MMP26: variants seen among roughly 807,000 people sequenced by gnomAD.
MMP26 encodes the protein matrix metallopeptidase 26, also known as matrix metalloproteinase-26.
Under a neutral mutation model 31.0 loss-of-function variants are expected in MMP26, and 33 were observed. The observed-to-expected ratio is 1.06, with a 90% confidence interval of 0.81 to 1.42. The LOEUF (loss-of-function observed/expected upper bound fraction) is 1.42. MMP26 is among the 40% of genes most tolerant of loss of function. The pLI, the probability that MMP26 is intolerant of heterozygous loss-of-function variation, is 0.00. For synonymous variants in MMP26, 122 were observed against 114.9 expected (o/e 1.06, Z -0.40); for missense variants, 347 against 316.1 (o/e 1.10, Z -0.74).
At chr11:4,930,600 T>A (rs1258583193) in intron 2 of MMP26, among the ~76,000 whole-genome samples, 1 of 152,092 alleles carries the variant, frequency 6.6e-6, no homozygotes, top group African/African-American at 2.4e-5. Flanking sequence ...CCTTACTATG[T>A]CTTTGCTCAA....
chr11:4,888,734 G>A (rs1317212154), intron 2 of MMP26, among the ~76,000 whole-genome samples: 3 of 152,082 alleles, frequency 2.0e-5, no homozygotes, highest in South Asian at 2.1e-4. Flanking sequence ...AGAATTCCTG[G>A]TTCTACTTAT....
At chr11:4,721,786 G>A (rs944394088) in intron 1 of MMP26, among the ~76,000 whole-genome samples, 1 of 152,190 alleles carries the variant, frequency 6.6e-6, no homozygotes, top group African/African-American at 2.4e-5. Context: ...CTTGTGAGCT[G>A]ACTTGGGGTT....
chr11:4,863,056 C>G lies in MMP26; in HGVS notation c.-145+95715C>G, dbSNP rs139554596. Among the ~76,000 whole-genome samples, 719 of 152,222 alleles carry G rather than the reference C, an allele frequency of 4.7e-3. 7 individuals carry two copies. The highest frequency in any genetic ancestry group is 0.015 in the African/African-American group (611 of 41,554). On this transcript the variant is annotated intron_variant, in intron 2 of 7. Transcript: ENST00000380390. ...GTGGAAATGACCAGCTGGTTCATCC[C>G]TACTGGGGGTTTTTCTTGGGACCTA...
At chr11:4,891,639 C>A (rs2133549428) in intron 2 of MMP26, among the ~76,000 whole-genome samples, 1 of 152,290 alleles carries the variant, frequency 6.6e-6, no homozygotes, top group East Asian at 1.9e-4. Flanking sequence ...TGACTATTAA[C>A]CCTCTCCTAT....
intron 2 of MMP26, among the ~76,000 whole-genome samples, chr11:4,854,721 T>C (rs181524190): frequency 7.9e-4 from 121 of 152,308 alleles, no homozygotes; most frequent in Admixed American, 7.4e-3. Context: ...GTAGTGGTTA[T>C]CCCAGCAAGG....
intron 2 of MMP26, among the ~76,000 whole-genome samples, chr11:4,970,744 G>A (rs577690282): frequency 1.3e-5 from 2 of 152,168 alleles, no homozygotes; most frequent in African/African-American, 4.8e-5. Context: ...TGCATTTCTG[G>A]TGGTGGCTAT....
At chr11:4,847,341 A>T (rs1849886272) in intron 2 of MMP26, 1 of 152,242 alleles carries the variant, frequency 6.6e-6, no homozygotes, top group South Asian at 2.1e-4. Flanking sequence ...CACTTGTAAG[A>T]TTCCATTTAC....
intron 1 of MMP26, among the ~76,000 whole-genome samples, chr11:4,759,111 CA>C (rs989730402): frequency 0.18 from 7,782 of 43,230 alleles, 66 homozygotes; most frequent in Middle Eastern, 0.25. Flanking sequence ...CATTCCATCT[CA>C]AAAAAAAAAA....
chr11:4,925,510 G>T (rs907873713), intron 2 of MMP26, among the ~76,000 whole-genome samples: 1 of 152,034 alleles, frequency 6.6e-6, no homozygotes, highest in Non-Finnish European at 1.5e-5. Flanking sequence ...TGGGGAGAGG[G>T]TCTAGAGGAT....
intron 2 of MMP26, among the ~76,000 whole-genome samples, chr11:4,948,820 A>T (rs549882458): frequency 8.0e-6 from 1 of 125,372 alleles, no homozygotes; most frequent in East Asian, 2.3e-4. Flanking sequence ...ATTACTTCTT[A>T]GTTGCCAATT....
At chr11:4,830,166 C>T (rs1475961244) in intron 2 of MMP26, 2 of 152,182 alleles carry the variant, frequency 1.3e-5, no homozygotes, top group African/African-American at 4.8e-5. Flanking sequence ...AGTGCTGGAA[C>T]AGAGAAGCTG....
chr11:4,941,443 C>T (rs1846204499), intron 2 of MMP26, among the ~76,000 whole-genome samples: 1 of 152,184 alleles, frequency 6.6e-6, no homozygotes, highest in South Asian at 2.1e-4. Context: ...AATACACAAA[C>T]ACATACGGGT....
intron 2 of MMP26, among the ~76,000 whole-genome samples, chr11:4,861,867 G>A (rs993048509): frequency 2.0e-5 from 3 of 151,928 alleles, no homozygotes; most frequent in Non-Finnish European, 2.9e-5. Flanking sequence ...TCCTTTAAGG[G>A]TTCCCAATGT....
intron 2 of MMP26, chr11:4,848,948 G>A: frequency 6.2e-7 from 1 of 1,614,108 alleles, no homozygotes; most frequent in Non-Finnish European, 8.5e-7. Context: ...CCAGCAGTGT[G>A]GGCATCAGGG....
At chr11:4,806,441 T>C (rs1849271244) in intron 2 of MMP26, among the ~76,000 whole-genome samples, 1 of 152,200 alleles carries the variant, frequency 6.6e-6, no homozygotes, top group Non-Finnish European at 1.5e-5. Context: ...GATAGTTAGC[T>C]CTTCTTGTTG....
intron 2 of MMP26, chr11:4,848,564 A>G (rs770970958): frequency 6.2e-7 from 1 of 1,609,762 alleles, no homozygotes; most frequent in Admixed American, 1.7e-5. Context: ...GGGGGTCCAA[A>G]CCCATGGCTG....
intron 2 of MMP26, among the ~76,000 whole-genome samples, chr11:4,928,617 C>T (rs56221445): frequency 0.018 from 2,719 of 152,136 alleles, 42 homozygotes; most frequent in Non-Finnish European, 0.029. Context: ...CTTGGTTTCC[C>T]AACCAGTTTT....
chr11:4,939,644 C>A (rs1441468419), intron 2 of MMP26, among the ~76,000 whole-genome samples: 3 of 152,050 alleles, frequency 2.0e-5, no homozygotes, highest in Non-Finnish European at 2.9e-5. Context: ...TATGGGAAAA[C>A]CTTGGCTCCA....
intron 2 of MMP26, among the ~76,000 whole-genome samples, chr11:4,958,074 C>A (rs1007237080): frequency 5.9e-5 from 9 of 152,114 alleles, no homozygotes; most frequent in Non-Finnish European, 1.3e-4. Context: ...AGATTAACTG[C>A]AATTAATTTG....
Sources: gnomAD v4.1 joint callset for allele counts (sites outside exome capture counted in the v4.1 genomes callset) on GRCh38, gnomAD v4.1.1 for gene constraint, MANE v1.5 for transcripts, NCBI Gene and HGNC (gene_info 2026-07-23, HGNC 2026-07-21) for gene names.